UBR4: variants seen among roughly 807,000 people sequenced by gnomAD.
UBR4 encodes E3 ubiquitin-protein ligase UBR4.
In UBR4, 124 loss-of-function variants were observed where a neutral mutation model predicts 575.6. The ratio of observed to expected loss-of-function variants is 0.22; its 90% CI spans 0.19 to 0.25. The LOEUF (loss-of-function observed/expected upper bound fraction) is 0.25. Among genes scored for constraint, UBR4 ranks in the 10% least tolerant of loss-of-function variants. The probability of loss-of-function intolerance (pLI) is 1.00; values close to 1 mark genes in which losing one functional copy is unlikely to be tolerated. For synonymous variants in UBR4, 2,455 were observed against 2,473.7 expected (o/e 0.99, Z 0.22); for missense variants, 4,818 against 6,478.8 (o/e 0.74, Z 8.80).
At chr1:19,151,984 G>A (rs1571178331) in intron 47 of UBR4, 125 bp from the exon 48 acceptor site, 1 of 916,904 alleles carries the variant, frequency 1.1e-6, no homozygotes, top group Non-Finnish European at 1.6e-6. Context: ...TAACTCCCTG[G>A]TAATGACTTC....
rs769484031 is a variant in UBR4 at position 19,093,976 on chromosome 1, C to T, written c.13910G>A (p.Arg4637Gln). ...ATCAAAGTTGCAGTATGGTTTGAAT[C>T]GCTCCACCAAGATCTGCATTTTCTC... ...EVEKMQILVE[R>Q]FKPYCNFDKY... Residue 4637 changes from arginine to glutamine, a missense_variant, in exon 95 of 106, where the codon CGA (arginine) becomes CAA (glutamine). By Grantham distance (43) the Arg-to-Gln change is conservative. Coordinates refer to ENST00000375254, the MANE Select transcript of UBR4 (RefSeq NM_020765.3). This position sits in a 1 kb window ranked among gnomAD's most constrained non-coding sequence, Gnocchi z 4.8. 3 of 1,613,740 alleles carry T rather than the reference C, an allele frequency of 1.9e-6. No homozygotes were observed. Among genetic ancestry groups the T allele is most frequent in the Non-Finnish European group, 1.7e-6 (2 of 1,179,868 alleles).
intron 104 of UBR4, 33 bp downstream of exon 104, chr1:19,077,943 C>G (rs1158676369): frequency 6.2e-7 from 1 of 1,613,432 alleles, no homozygotes; most frequent in African/African-American, 1.3e-5. Context: ...ACACTCTTGC[C>G]AAAACCCACT....
At chr1:19,183,382 A>G (rs2151202219) in intron 17 of UBR4, among the ~76,000 whole-genome samples, 1 of 152,294 alleles carries the variant, frequency 6.6e-6, no homozygotes, top group South Asian at 2.1e-4. Context: ...TCACCTCTCA[A>G]CGCTCTTTCC....
intron 53 of UBR4, 44 bp downstream of exon 53, chr1:19,145,749 C>T (rs773168244): frequency 1.2e-6 from 2 of 1,601,554 alleles, no homozygotes; most frequent in Admixed American, 1.7e-5. Flanking sequence ...ACAGAACTTA[C>T]ATCAGGCTTC....
chr1:19,103,952 C>T (rs1186457420), intron 87 of UBR4, 132 bp downstream of exon 87: 6 of 1,048,152 alleles, frequency 5.7e-6, no homozygotes, highest in Non-Finnish European at 8.3e-6. Flanking sequence ...AGAAATGAGT[C>T]TCCCTTTGAA....
intron 11 of UBR4, among the ~76,000 whole-genome samples, chr1:19,189,064 T>G (rs1406870643): frequency 6.6e-6 from 1 of 151,992 alleles, no homozygotes; most frequent in Admixed American, 6.6e-5. Context: ...GAAATACAAA[T>G]GACCAATAAA....
chr1:19,097,376 G>T, intron 90 of UBR4, 96 bp from the exon 91 acceptor site: 1 of 962,650 alleles, frequency 1.0e-6, no homozygotes, highest in Non-Finnish European at 1.5e-6. Context: ...CAGCAATGTG[G>T]AGAGCCTCTA....
At chr1:19,159,531 A>G (rs2086957591) in intron 39 of UBR4, among the ~76,000 whole-genome samples, 1 of 151,954 alleles carries the variant, frequency 6.6e-6, no homozygotes, top group Non-Finnish European at 1.5e-5. Context: ...AGATTCATAT[A>G]TTTATATGAA....
chr1:19,196,075 T>C (rs2092439829), intron 8 of UBR4, among the ~76,000 whole-genome samples: 1 of 151,964 alleles, frequency 6.6e-6, no homozygotes, highest in Non-Finnish European at 1.5e-5. Flanking sequence ...CTTCTGCCTC[T>C]GCCTAGAAAT....
intron 2 of UBR4, among the ~76,000 whole-genome samples, chr1:19,200,178 T>A (rs1442987546): frequency 1.3e-5 from 2 of 151,990 alleles, no homozygotes; most frequent in Admixed American, 1.3e-4. Flanking sequence ...ACCAGGAGTG[T>A]GCAATCTTTT....
At chr1:19,142,445 C>T (rs2084056137) in intron 55 of UBR4, among the ~76,000 whole-genome samples, 1 of 152,170 alleles carries the variant, frequency 6.6e-6, no homozygotes, top group Non-Finnish European at 1.5e-5. Flanking sequence ...TAAATATGTC[C>T]GTTAGAAACA....
intron 105 of UBR4, chr1:19,075,351 T>A: frequency 4.7e-6 from 1 of 213,414 alleles, no homozygotes; most frequent in Non-Finnish European, 9.5e-6. Context: ...CACCTCCTCC[T>A]CCTCTCACTA....
At chr1:19,074,958 G>A in intron 105 of UBR4, 62 bp from the exon 106 acceptor site, 1 of 1,564,456 alleles carries the variant, frequency 6.4e-7, no homozygotes, top group Non-Finnish European at 8.8e-7. Context: ...TTCCCCCTGA[G>A]TCACAGCTGC....
rs754646179 is a variant in UBR4, at chr1:19,088,936, C to T, written c.14253G>A (p.Leu4751=). The change falls in exon 98 of 106, where the codon CTG becomes CTA. Residue 4751 remains leucine, a synonymous_variant. Coordinates refer to ENST00000375254, the MANE Select transcript of UBR4 (RefSeq NM_020765.3). The surrounding 1 kb of genome is among the most constrained non-coding windows in gnomAD (Gnocchi z 4.0). ...GTDSIPNLHK[L]EQVSSDEGIG... ...TGCCCTCATCACTGGACACCTGCTC[C>T]AGCTTATGCAGGTTCGGGATGGAAT... 2 of 1,614,252 alleles carry T rather than the reference C, an allele frequency of 1.2e-6. No individual in the cohort carries two copies. Among genetic ancestry groups the T allele is most frequent in the South Asian group, 2.2e-5 (2 of 91,086 alleles).
In UBR4 at chr1:19,192,294, C is replaced by A. The variant is rs755061670; in HGVS notation, c.1288G>T (p.Ala430Ser). Residue 430 changes from alanine (A) to serine (S), a missense_variant, in exon 11 of 106, where the codon GCT (alanine) becomes TCT (serine). Physicochemically the swap from Ala to Ser is moderately conservative, Grantham distance 99. Coordinates refer to ENST00000375254, the MANE Select transcript of UBR4 (RefSeq NM_020765.3). ...LILNLSPTAL[A>S]DKGKEKDPLA... ...GGGTCCTTCTCTTTCCCCTTATCAG[C>A]CAACGCAGTAGGACTGAGGTTCAGT... 4 of 1,614,064 alleles carry A rather than the reference C, an allele frequency of 2.5e-6. No homozygotes were observed. In the Admixed American group the frequency reaches 6.7e-5, roughly 27 times the overall value.
intron 52 of UBR4, among the ~76,000 whole-genome samples, chr1:19,146,449 TTAA>T (rs1297934661): frequency 1.3e-5 from 2 of 152,204 alleles, no homozygotes; most frequent in Non-Finnish European, 2.9e-5. Flanking sequence ...CTACACATTA[TTAA>T]TAATAGCACT....
At chr1:19,176,878 A>C (rs1403265398) in intron 19 of UBR4, 151 bp from the exon 20 acceptor site, 16 of 914,030 alleles carry the variant, frequency 1.8e-5, no homozygotes, top group Non-Finnish European at 2.5e-5. Context: ...GGCACCATTC[A>C]GCTTTTCACT....
rs572295526 is a variant in UBR4, at chr1:19,197,281, G to A, written c.894-16C>T. 1 of 1,613,992 alleles carries A rather than the reference G, an allele frequency of 6.2e-7. No homozygotes were observed. Among genetic ancestry groups the A allele is most frequent in the South Asian group, 1.1e-5 (1 of 91,070 alleles). Reference sequence around the variant, plus strand: ...TGAATGAAAGCTGGAACATGACAGAGATCAACAAGTGTCTCTTAGAATCAT... The same window carrying A: ...TGAATGAAAGCTGGAACATGACAGAAATCAACAAGTGTCTCTTAGAATCAT... On this transcript the variant is annotated splice_polypyrimidine_tract_variant and intron_variant, in intron 7 of 105. Coordinates refer to ENST00000375254, the MANE Select transcript of UBR4 (RefSeq NM_020765.3).
rs560553706 is a variant in UBR4 at position 19,109,580 on chromosome 1, G to A, written c.12105+516C>T. On this transcript the variant is annotated intron_variant, in intron 81 of 105. Transcript: ENST00000375254. Reference sequence around the variant, plus strand: ...TTAAGGATTAACTTAGGCAGACACCGTTTTGATCACTTAGTCTGCATTATG... The same window carrying A: ...TTAAGGATTAACTTAGGCAGACACCATTTTGATCACTTAGTCTGCATTATG... Among the ~76,000 whole-genome samples, 4 of 152,346 alleles carry A rather than the reference G, an allele frequency of 2.6e-5. No individual in the cohort carries two copies. The South Asian group carries it at 6.2e-4, about 24-fold the overall frequency.
Sources: allele counts gnomAD v4.1 joint callset (sites outside exome capture counted in the v4.1 genomes callset), GRCh38; gene constraint gnomAD v4.1.1; non-coding constraint Gnocchi (gnomAD v3.1); transcripts MANE v1.5; gene names NCBI Gene and HGNC (gene_info 2026-07-23, HGNC 2026-07-21).